Variants in UBE2H observed in about 807,000 individuals in gnomAD.
UBE2H encodes ubiquitin conjugating enzyme E2 H.
A neutral mutation model predicts 29.0 loss-of-function variants in UBE2H; 3 were observed. The observed-to-expected ratio is 0.10, with a 90% confidence interval of 0.05 to 0.27. UBE2H has a LOEUF of 0.27. UBE2H is among the 10% of genes least tolerant of loss of function. The probability of loss-of-function intolerance (pLI) is 1.00; values close to 1 mark genes in which losing one functional copy is unlikely to be tolerated. For missense variants in UBE2H, 68 were observed against 228.2 expected, an observed-to-expected ratio of 0.30 and a Z score of 4.52; for synonymous variants, 69 against 82.9, an observed-to-expected ratio of 0.83 and a Z score of 0.91.
intron 1 of UBE2H, among the ~76,000 whole-genome samples, chr7:129,905,480 T>C (rs933680219): frequency 2.0e-5 from 3 of 152,160 alleles, no homozygotes; most frequent in Admixed American, 6.5e-5. Flanking sequence ...GGTTTTCCAG[T>C]TGTACCTTTC....
At position 129,855,787 on chromosome 7, in the gene UBE2H, CTGGGGAGG is replaced by C. The variant is rs531027842; in HGVS notation, c.298+1716_298+1723del. Reference sequence around the variant, plus strand: ...TAGTATGCACCTATAGTCCCAGCTACTGGGGAGGCTGAGATGGGAGGACTGTTCGAGCC... The same window carrying C: ...TAGTATGCACCTATAGTCCCAGCTACCTGAGATGGGAGGACTGTTCGAGCC... On this transcript the variant is annotated intron_variant, in intron 5 of 6. Coordinates refer to ENST00000355621, the MANE Select transcript of UBE2H (RefSeq NM_003344.4). Among the ~76,000 whole-genome samples, 159 of 152,264 alleles carry C rather than the reference CTGGGGAGG, an allele frequency of 1.0e-3. 4 individuals are homozygous for C. The East Asian group carries it at 0.023, about 22-fold the overall frequency.
At chr7:129,885,173 T>C (rs1475299382) in intron 1 of UBE2H, among the ~76,000 whole-genome samples, 1 of 152,172 alleles carries the variant, frequency 6.6e-6, no homozygotes, top group Non-Finnish European at 1.5e-5. Flanking sequence ...CTGTTCAACT[T>C]GGGTATCCAG....
At chr7:129,938,924 G>A (rs1022109499) in intron 1 of UBE2H, among the ~76,000 whole-genome samples, 8 of 151,416 alleles carry the variant, frequency 5.3e-5, no homozygotes, top group Non-Finnish European at 1.0e-4. Context: ...TCAGCCTCCC[G>A]AGCAGCTTTG....
chr7:129,935,972 T>C (rs931667171), intron 1 of UBE2H, among the ~76,000 whole-genome samples: 2 of 152,212 alleles, frequency 1.3e-5, no homozygotes, highest in Non-Finnish European at 2.9e-5. Flanking sequence ...CTAGAGAGAA[T>C]ATGATTATTA....
chr7:129,915,654 C>G (rs923097128), intron 1 of UBE2H, among the ~76,000 whole-genome samples: 1 of 152,172 alleles, frequency 6.6e-6, no homozygotes, highest in Non-Finnish European at 1.5e-5. Context: ...GGAAGAAACA[C>G]TGAAACAGAA....
intron 1 of UBE2H, among the ~76,000 whole-genome samples, chr7:129,943,966 A>T (rs756410600): frequency 1.9e-4 from 29 of 152,174 alleles, no homozygotes; most frequent in African/African-American, 6.5e-4. Flanking sequence ...TTTTATTGAT[A>T]AAAAAATTAA....
chr7:129,896,905 T>C (rs1563038494), intron 1 of UBE2H, among the ~76,000 whole-genome samples: 1 of 152,188 alleles, frequency 6.6e-6, no homozygotes, highest in South Asian at 2.1e-4. Context: ...TTCTTCATAG[T>C]GACAAATAGT....
chr7:129,909,591 C>T (rs1348513281), intron 1 of UBE2H, among the ~76,000 whole-genome samples: 1 of 152,102 alleles, frequency 6.6e-6, no homozygotes, highest in Non-Finnish European at 1.5e-5. Context: ...AGTGGTGGCT[C>T]ACGCCTGTAA....
intron 1 of UBE2H, among the ~76,000 whole-genome samples, chr7:129,887,839 C>T (rs1420172150): frequency 6.6e-6 from 1 of 152,102 alleles, no homozygotes; most frequent in Non-Finnish European, 1.5e-5. Context: ...GCTGAGATCA[C>T]ACCATTGCAC....
intron 1 of UBE2H, among the ~76,000 whole-genome samples, chr7:129,920,562 T>C (rs757781797): frequency 6.6e-6 from 1 of 152,080 alleles, no homozygotes; most frequent in African/African-American, 2.4e-5. Flanking sequence ...TGTATATTTA[T>C]ATAAACATAC....
intron 1 of UBE2H, among the ~76,000 whole-genome samples, chr7:129,948,048 C>G (rs183028440): frequency 1.3e-5 from 2 of 152,086 alleles, no homozygotes; most frequent in Admixed American, 1.3e-4. Flanking sequence ...CAAGTACATA[C>G]GGGGTTTTGC....
rs1805288507 is a variant in UBE2H, at chr7:129,834,599, C to G, written c.*338G>C. ...AACCAATAAAAGAAGCAATTTTTTCCTGTTCTTTTTACTCACATCTACCTA... is the reference window on the plus strand; with the variant it reads ...AACCAATAAAAGAAGCAATTTTTTCGTGTTCTTTTTACTCACATCTACCTA... On this transcript the variant is annotated 3_prime_UTR_variant, in exon 7 of 7. Transcript: ENST00000355621. The G allele has an allele frequency of 6.1e-6, 1 of 164,308 alleles. No homozygotes were observed. The highest frequency in any genetic ancestry group is 1.9e-4 in the South Asian group (1 of 5,202). The allele number at this position is 164,308 out of a possible 1,614,324, so 10.2% of individuals were successfully genotyped here.
intron 1 of UBE2H, chr7:129,948,972 T>G (rs1384241523): frequency 1.3e-5 from 6 of 456,754 alleles, no homozygotes; most frequent in Non-Finnish European, 2.2e-5. Context: ...ATCAGCTGTT[T>G]GGTAGCTCCT....
At chr7:129,917,345 T>C (rs551280126) in intron 1 of UBE2H, among the ~76,000 whole-genome samples, 2 of 152,340 alleles carry the variant, frequency 1.3e-5, no homozygotes, top group South Asian at 4.1e-4. Context: ...GCATTACATT[T>C]GCTGAAGACA....
intron 3 of UBE2H, among the ~76,000 whole-genome samples, chr7:129,866,611 T>C (rs1431683947): frequency 6.6e-6 from 1 of 152,192 alleles, no homozygotes; most frequent in Non-Finnish European, 1.5e-5. Context: ...AGTTAAAAGA[T>C]CAGGCTCCAA....
At chr7:129,858,775 T>C in intron 4 of UBE2H, 127 bp downstream of exon 4, 1 of 777,328 alleles carries the variant, frequency 1.3e-6, no homozygotes, top group Non-Finnish European at 2.1e-6. Flanking sequence ...ATCATTTACA[T>C]GACCATTCAT....
chr7:129,875,202 C>T (rs1054929837), intron 3 of UBE2H, among the ~76,000 whole-genome samples: 2 of 152,124 alleles, frequency 1.3e-5, no homozygotes, highest in African/African-American at 4.8e-5. Flanking sequence ...TTTTAGTCTC[C>T]TTTAACTGAA....
At chr7:129,841,137 T>G (rs1805422502) in intron 5 of UBE2H, among the ~76,000 whole-genome samples, 5 of 152,202 alleles carry the variant, frequency 3.3e-5, no homozygotes, top group Admixed American at 2.6e-4. Flanking sequence ...AACCTTTTTG[T>G]AAAGGGTCAA....
rs562212935 is a variant in UBE2H, at chr7:129,925,572, C to A, written c.53+26931G>T. On this transcript the variant is annotated intron_variant, in intron 1 of 6. Coordinates refer to ENST00000355621, the MANE Select transcript of UBE2H (RefSeq NM_003344.4). ...ATTCTCTCCTTCTTACTATCAAAAC[C>A]CCGATTGTATTCAGGGCAGTCAAAG... Among the ~76,000 whole-genome samples the A allele has an allele frequency of 9.9e-5, 15 of 152,264 alleles. No individual in the cohort carries two copies. The South Asian group carries it at 2.7e-3, about 27-fold the overall frequency.
Sources: gnomAD v4.1 joint callset for allele counts (sites outside exome capture counted in the v4.1 genomes callset) on GRCh38, gnomAD v4.1.1 for gene constraint, MANE v1.5 for transcripts, NCBI Gene and HGNC (gene_info 2026-07-23, HGNC 2026-07-21) for gene names.